The following ITPK1 variants were observed in gnomAD, a reference collection of about 807,000 sequenced individuals.
The protein encoded by ITPK1 is inositol-tetrakisphosphate 1-kinase.
ITPK1 carries 21 observed loss-of-function variants against 45.3 expected under a neutral mutation model. The observed-to-expected ratio is 0.46, with a 90% CI of 0.33 to 0.67. ITPK1 has a LOEUF of 0.67. ITPK1 is among the 30% of genes least tolerant of loss of function. ITPK1 has a pLI of 0.02. For missense variants in ITPK1, 474 were observed against 573.5 expected (o/e 0.83, Z 1.77); for synonymous variants, 258 against 253.6 (o/e 1.02, Z -0.16).
intron 5 of ITPK1, among the ~76,000 whole-genome samples, chr14:92,969,114 A>G (rs1885523904): frequency 6.6e-6 from 1 of 152,190 alleles, no homozygotes; most frequent in Non-Finnish European, 1.5e-5. Context: ...AACGTAGAGT[A>G]CTACTGTTCC....
rs777888345 is a variant in ITPK1, at chr14:92,938,459, T to A, written c.*3102A>T. 1 of 1,604,868 alleles carries A rather than the reference T, an allele frequency of 6.2e-7. No individual in the cohort carries two copies. The highest frequency in any genetic ancestry group is 1.1e-5 in the South Asian group (1 of 90,894). On this transcript the variant is annotated 3_prime_UTR_variant, in exon 11 of 11. Coordinates refer to ENST00000267615, the MANE Select transcript of ITPK1 (RefSeq NM_014216.6). ...GCAACAGCTGCTTTGCTCAGTTGGC[T>A]CAAACATGTGACAGCTTCCTACTTC... is the stretch of plus-strand genomic sequence containing the variant.
At chr14:92,969,202 C>G (rs1315948874) in intron 5 of ITPK1, among the ~76,000 whole-genome samples, 3 of 152,066 alleles carry the variant, frequency 2.0e-5, no homozygotes, top group African/African-American at 7.2e-5. Flanking sequence ...ATAAATAAAA[C>G]AGAGGCATCC....
At chr14:93,045,266 C>T (rs548829883) in intron 3 of ITPK1, among the ~76,000 whole-genome samples, 10 of 152,374 alleles carry the variant, frequency 6.6e-5, no homozygotes, top group East Asian at 1.9e-4. Flanking sequence ...CTCTGCCTCC[C>T]GCAGCGCTTG....
intron 3 of ITPK1, among the ~76,000 whole-genome samples, chr14:93,018,438 CA>C (rs1391032010): frequency 1.3e-5 from 2 of 152,152 alleles, no homozygotes; most frequent in African/African-American, 4.8e-5. Context: ...CTCTCCGTTG[CA>C]CCCCCGGAAC....
In ITPK1 at chr14:92,961,344, C is replaced by T. The variant is rs538186276; in HGVS notation, c.504+1011G>A. On this transcript the variant is annotated intron_variant, in intron 7 of 10. Transcript: ENST00000267615. ...ACTCCTCTAGCCCCTGGAGTCCTCA[C>T]AGGCTCCTTGGCTCTCTCTAGGGAC... Among the ~76,000 whole-genome samples, 21 of 152,362 alleles carry T rather than the reference C, an allele frequency of 1.4e-4. No homozygotes were observed. The South Asian group carries it at 1.7e-3, about 12-fold the overall frequency.
rs368016997 is a variant in ITPK1 at position 93,033,551 on chromosome 14, C to A, written c.121-16750G>T. 2.0e-5 allele frequency among the ~76,000 whole-genome samples: 3 copies of A among 152,246 alleles called. No homozygotes were observed. The East Asian group carries it at 5.8e-4, about 29-fold the overall frequency. On this transcript the variant is annotated intron_variant, in intron 3 of 10. Coordinates refer to ENST00000267615, the MANE Select transcript of ITPK1 (RefSeq NM_014216.6). ...CAGTGACCACCCAGGAGTGAGGGCCCCAGGACAGGACTGGTAGAGGAACAG... is the reference window on the plus strand; with the variant it reads ...CAGTGACCACCCAGGAGTGAGGGCCACAGGACAGGACTGGTAGAGGAACAG...
Position 92,970,045 on chromosome 14 carries a change from G to A in ITPK1, c.365-7196C>T, listed in dbSNP as rs146283064. Among the ~76,000 whole-genome samples, 82 of 152,208 alleles carry A rather than the reference G, an allele frequency of 5.4e-4. No individual in the cohort carries two copies. The East Asian group carries it at 0.012, about 23-fold the overall frequency. On this transcript the variant is annotated intron_variant, in intron 5 of 10. Coordinates refer to ENST00000267615, the MANE Select transcript of ITPK1 (RefSeq NM_014216.6). ...AGCCAGAAAAAGGCTGGCCTCCCGC[G>A]TCACACCTCATTACCCATCCACTCC...
At chr14:92,981,028 C>T (rs79817089) in intron 5 of ITPK1, among the ~76,000 whole-genome samples, 2 of 152,170 alleles carry the variant, frequency 1.3e-5, no homozygotes, top group Non-Finnish European at 2.9e-5. Flanking sequence ...TTTTTCTTGG[C>T]CGCCGTGGAG....
Position 92,958,440 on chromosome 14 carries a change from C to A in ITPK1, c.505-74G>T. On this transcript the variant is annotated intron_variant, in intron 7 of 10. Coordinates refer to ENST00000267615, the MANE Select transcript of ITPK1 (RefSeq NM_014216.6). This position sits in a 1 kb window ranked among gnomAD's most constrained non-coding sequence, Gnocchi z 4.4. ...AGCCTCCAACACACAGGTGTGTCAC[C>A]TGTCCAGAGCACCTCCACCAAGGCC... The A allele has an allele frequency of 7.0e-7, 1 of 1,433,100 alleles. No individual in the cohort carries two copies. Among genetic ancestry groups the A allele is most frequent in the African/African-American group, 1.4e-5 (1 of 71,450 alleles). 88.8% of individuals were successfully genotyped at this position (1,433,100 alleles called of 1,614,324 possible). A position where few individuals can be genotyped will look rare whatever the true frequency, so the allele number is the denominator to read the frequency against.
chr14:92,985,119 G>A (rs938447826), intron 5 of ITPK1, among the ~76,000 whole-genome samples: 2 of 152,044 alleles, frequency 1.3e-5, no homozygotes, highest in Non-Finnish European at 2.9e-5. Context: ...ACCCAGTCAC[G>A]AAAACACCAG....
intron 3 of ITPK1, among the ~76,000 whole-genome samples, chr14:93,039,040 T>C (rs66800452): frequency 0.13 from 20,024 of 152,052 alleles, 1,482 homozygotes; most frequent in South Asian, 0.26. Flanking sequence ...GGGAGTTAAG[T>C]TCCCTTTGCT....
intron 5 of ITPK1, among the ~76,000 whole-genome samples, chr14:92,977,634 T>A (rs1886016464): frequency 6.7e-6 from 1 of 149,884 alleles, no homozygotes; most frequent in African/African-American, 2.5e-5. Context: ...TCTCTCGAGA[T>A]CTGGTTGCTT....
chr14:92,999,663 G>A (rs138209055), intron 4 of ITPK1, among the ~76,000 whole-genome samples: 157 of 152,360 alleles, frequency 1.0e-3, no homozygotes, highest in African/African-American at 3.4e-3. Flanking sequence ...GCTGGAGGCC[G>A]CCAGGCCCAG....
intron 10 of ITPK1, 75 bp downstream of exon 10, chr14:92,946,256 C>T: frequency 1.3e-6 from 2 of 1,551,332 alleles, no homozygotes; most frequent in South Asian, 2.3e-5. Context: ...CCTCAGTCAC[C>T]CCGCCTCACC....
intron 5 of ITPK1, among the ~76,000 whole-genome samples, chr14:92,972,246 T>C (rs1033042640): frequency 6.6e-6 from 1 of 152,170 alleles, no homozygotes; most frequent in Admixed American, 6.5e-5. Flanking sequence ...CAAGTTGATA[T>C]TGAAGCCCCA....
chr14:93,078,982 T>C (rs1261376767), intron 2 of ITPK1, among the ~76,000 whole-genome samples: 2 of 151,932 alleles, frequency 1.3e-5, no homozygotes, highest in African/African-American at 4.8e-5. Context: ...AGACTTCCAC[T>C]GGGCTCTGGG....
At position 93,076,651 on chromosome 14, in the gene ITPK1, C is replaced by T; in HGVS notation, c.96-32G>A. The T allele has an allele frequency of 2.5e-6, 4 of 1,614,144 alleles. No individual in the cohort carries two copies. The highest frequency in any genetic ancestry group is 1.3e-5 in the African/African-American group (1 of 75,062). On this transcript the variant is annotated intron_variant, in intron 2 of 10. Transcript: ENST00000267615. This position sits in a 1 kb window ranked among gnomAD's most constrained non-coding sequence, Gnocchi z 4.3. Reference sequence around the variant, plus strand: ...AGAAAAACAAAGAAAACAAGCGTTACTCCAGCAGGCTGGACACGTCCTTTC... The same window carrying T: ...AGAAAAACAAAGAAAACAAGCGTTATTCCAGCAGGCTGGACACGTCCTTTC...
rs1366488624 is a variant in ITPK1 at position 93,063,973 on chromosome 14, G to C, written c.120+12622C>G. On this transcript the variant is annotated intron_variant, in intron 3 of 10. Coordinates refer to ENST00000267615, the MANE Select transcript of ITPK1 (RefSeq NM_014216.6). The surrounding 1 kb of genome is among the most constrained non-coding windows in gnomAD (Gnocchi z 4.3). ...CTAGGTGCTTACTGCCCAGACAACA[G>C]GGCTGGTGACCTTTAAAAAAAAAAA... Among the ~76,000 whole-genome samples the C allele has an allele frequency of 6.6e-6, 1 of 152,102 alleles. No individual in the cohort carries two copies. Among genetic ancestry groups the C allele is most frequent in the Non-Finnish European group, 1.5e-5 (1 of 68,012 alleles).
intron 4 of ITPK1, among the ~76,000 whole-genome samples, chr14:93,009,445 C>A (rs1171125863): frequency 6.6e-6 from 1 of 152,154 alleles, no homozygotes; most frequent in African/African-American, 2.4e-5. Context: ...TAGCTCTGTT[C>A]CTGGTTGGTA....
Sources: gnomAD v4.1 joint callset for allele counts (sites outside exome capture counted in the v4.1 genomes callset) on GRCh38, gnomAD v4.1.1 for gene constraint, Gnocchi (gnomAD v3.1) non-coding constraint, MANE v1.5 for transcripts, NCBI Gene and HGNC (gene_info 2026-07-23, HGNC 2026-07-21) for gene names.